The following PPFIA2 variants were observed in gnomAD, a reference collection of about 807,000 sequenced individuals.
PPFIA2 encodes the protein PPFI scaffold protein A2.
Under a neutral mutation model 175.5 loss-of-function variants are expected in PPFIA2, and 46 were observed. That is an observed-to-expected ratio of 0.26 (90% CI 0.21 to 0.34). The LOEUF (loss-of-function observed/expected upper bound fraction) is 0.34. PPFIA2 is among the 10% of genes least tolerant of loss of function. The probability of loss-of-function intolerance (pLI) is 1.00; values close to 1 mark genes in which losing one functional copy is unlikely to be tolerated. For synonymous variants in PPFIA2, 568 were observed against 511.4 expected (o/e 1.11, Z -1.49); for missense variants, 1,179 against 1,506.1 (o/e 0.78, Z 3.60).
intron 4 of PPFIA2, among the ~76,000 whole-genome samples, chr12:81,515,082 G>A (rs1001505690): frequency 1.3e-5 from 2 of 151,792 alleles, no homozygotes; most frequent in Non-Finnish European, 2.9e-5. Flanking sequence ...TTATATCACT[G>A]GTTTGCTTTG....
intron 3 of PPFIA2, among the ~76,000 whole-genome samples, chr12:81,698,560 T>A (rs955873533): frequency 1.3e-4 from 20 of 152,106 alleles, no homozygotes; most frequent in African/African-American, 3.4e-4. Flanking sequence ...AAGAGAAGAA[T>A]GGTTGTGAAT....
chr12:81,503,850 G>A (rs551650975), intron 4 of PPFIA2, among the ~76,000 whole-genome samples: 10 of 151,992 alleles, frequency 6.6e-5, no homozygotes, highest in Non-Finnish European at 1.5e-4. Flanking sequence ...GGCAAACTAA[G>A]TAATGCTTAG....
At chr12:81,364,079 A>C (rs1286933401) in intron 14 of PPFIA2, among the ~76,000 whole-genome samples, 2 of 151,812 alleles carry the variant, frequency 1.3e-5, no homozygotes. Flanking sequence ...TTTTTCAATA[A>C]AGTGATACTT....
At chr12:81,754,282 T>C (rs1171757646) in intron 2 of PPFIA2, 59 bp from the exon 3 acceptor site, 2 of 1,525,772 alleles carry the variant, frequency 1.3e-6, no homozygotes, top group Non-Finnish European at 1.8e-6. Context: ...ATAATTTCAT[T>C]TGGAGAGCAA....
Position 81,754,192 on chromosome 12 carries a change from A to G in PPFIA2, c.30T>C (p.Asn10=). MMCEVMPTI[N]EDTPMSQRGS... ...CCCTTTGGCTCATTGGGGTGTCCTC[A>G]TTAATCGTGGGCATCACTTCACACA... is the stretch of plus-strand genomic sequence containing the variant. Residue 10 remains asparagine (N), a synonymous_variant, in exon 3 of 33, where the codon AAT becomes AAC. Coordinates refer to ENST00000549396, the MANE Select transcript of PPFIA2 (RefSeq NM_003625.5). 6.2e-7 allele frequency: 1 copy of G among 1,608,628 alleles called. No homozygotes were observed. Among genetic ancestry groups the G allele is most frequent in the Non-Finnish European group, 8.5e-7 (1 of 1,177,114 alleles).
At chr12:81,730,675 C>G (rs1173717252) in intron 3 of PPFIA2, among the ~76,000 whole-genome samples, 2 of 151,498 alleles carry the variant, frequency 1.3e-5, no homozygotes, top group Non-Finnish European at 3.0e-5. Context: ...ACACTTGGAC[C>G]AGAATTTATT....
intron 3 of PPFIA2, among the ~76,000 whole-genome samples, chr12:81,687,957 T>C (rs1352503627): frequency 6.6e-6 from 1 of 151,942 alleles, no homozygotes; most frequent in Non-Finnish European, 1.5e-5. Flanking sequence ...AGAATACATG[T>C]AAATAAGACC....
intron 4 of PPFIA2, among the ~76,000 whole-genome samples, chr12:81,488,895 T>A (rs1398469720): frequency 6.6e-6 from 1 of 151,960 alleles, no homozygotes; most frequent in East Asian, 1.9e-4. Context: ...AGGGTCTTAA[T>A]GTGTTAGAAT....
intron 7 of PPFIA2, among the ~76,000 whole-genome samples, chr12:81,414,613 C>T (rs1394796839): frequency 6.6e-6 from 1 of 151,570 alleles, no homozygotes; most frequent in African/African-American, 2.4e-5. Flanking sequence ...TTCTTTTCAT[C>T]TATTTTTATC....
intron 4 of PPFIA2, among the ~76,000 whole-genome samples, chr12:81,586,168 T>G (rs1053750455): frequency 6.6e-6 from 1 of 152,012 alleles, no homozygotes; most frequent in Non-Finnish European, 1.5e-5. Context: ...AAACAACCAA[T>G]AAATACAATG....
chr12:81,355,832 G>A (rs2060777050), intron 16 of PPFIA2, among the ~76,000 whole-genome samples: 1 of 152,144 alleles, frequency 6.6e-6, no homozygotes, highest in Admixed American at 6.6e-5. Context: ...TTGGTTTAAG[G>A]GAATGTTGTC....
chr12:81,579,325 A>C (rs2074061486), intron 4 of PPFIA2, among the ~76,000 whole-genome samples: 1 of 151,836 alleles, frequency 6.6e-6, no homozygotes, highest in South Asian at 2.1e-4. Context: ...TCAAGCTCTA[A>C]TTTGAAATCA....
intron 4 of PPFIA2, among the ~76,000 whole-genome samples, chr12:81,627,818 T>C (rs1411331496): frequency 6.6e-6 from 1 of 152,074 alleles, no homozygotes; most frequent in Non-Finnish European, 1.5e-5. Flanking sequence ...AATGAAAACA[T>C]TGTATGTCTT....
At chr12:81,709,605 C>T (rs1042206480) in intron 3 of PPFIA2, among the ~76,000 whole-genome samples, 16 of 151,788 alleles carry the variant, frequency 1.1e-4, no homozygotes, top group African/African-American at 3.6e-4. Context: ...TTGCTATTTG[C>T]TAGCAAGGTT....
At chr12:81,739,865 G>GA (rs574756332) in intron 3 of PPFIA2, among the ~76,000 whole-genome samples, 29 of 151,790 alleles carry the variant, frequency 1.9e-4, no homozygotes, top group African/African-American at 6.5e-4. Context: ...ATTTAAAAAA[G>GA]AAAAAAACAA....
intron 22 of PPFIA2, among the ~76,000 whole-genome samples, chr12:81,300,483 C>T (rs1000309022): frequency 2.6e-5 from 4 of 151,912 alleles, no homozygotes; most frequent in East Asian, 1.9e-4. Flanking sequence ...GAATAAAATG[C>T]CTTTCAACAC....
At chr12:81,428,925 C>T (rs1337884526) in intron 7 of PPFIA2, among the ~76,000 whole-genome samples, 2 of 151,992 alleles carry the variant, frequency 1.3e-5, no homozygotes, top group South Asian at 2.1e-4. Context: ...TGTCACTGTC[C>T]TATGCAAACA....
At chr12:81,290,972 T>G (rs944768764) in intron 24 of PPFIA2, among the ~76,000 whole-genome samples, 7 of 151,796 alleles carry the variant, frequency 4.6e-5, no homozygotes, top group Non-Finnish European at 1.0e-4. Flanking sequence ...AAAGTGATGT[T>G]GCAGTTGCAT....
rs746479094 is a variant in PPFIA2 at position 81,368,742 on chromosome 12, C to A, written c.1465G>T (p.Ala489Ser). ...RLQLHLKERM[A>S]ALEEKNVLIQ... ...CGTTTTACCTTTTCTTCTAGAGCAGCCATTCTTTCCTTTAAGTGTAGTTGT... is the reference window on the plus strand; with the variant it reads ...CGTTTTACCTTTTCTTCTAGAGCAGACATTCTTTCCTTTAAGTGTAGTTGT... Residue 489 changes from alanine to serine, a missense_variant, in exon 13 of 33, where the codon GCT becomes TCT. Coordinates refer to ENST00000549396, the MANE Select transcript of PPFIA2 (RefSeq NM_003625.5). The A allele has an allele frequency of 6.2e-7, 1 of 1,607,658 alleles. No individual in the cohort carries two copies. The highest frequency in any genetic ancestry group is 8.5e-7 in the Non-Finnish European group (1 of 1,176,954).
Sources: allele counts gnomAD v4.1 joint callset (sites outside exome capture counted in the v4.1 genomes callset), GRCh38; gene constraint gnomAD v4.1.1; transcripts MANE v1.5; gene names NCBI Gene and HGNC (gene_info 2026-07-23, HGNC 2026-07-21).